Variants in GRID2 observed in about 807,000 individuals in gnomAD.
The protein encoded by GRID2 is glutamate ionotropic receptor delta type subunit 2, also known as glutamate receptor ionotropic, delta-2.
In GRID2, 33 loss-of-function variants were observed where a neutral mutation model predicts 114.8. That is an observed-to-expected ratio of 0.29 (90% CI 0.22 to 0.38). GRID2 has a LOEUF of 0.38. Ranked by LOEUF, GRID2 falls within the 10% of genes least tolerant of loss-of-function variation. The pLI, the probability that GRID2 is intolerant of heterozygous loss-of-function variation, is 1.00. For synonymous variants in GRID2, 505 were observed against 449.9 expected, an observed-to-expected ratio of 1.12 and a Z score of -1.55; for missense variants, 1,184 against 1,257.7, an observed-to-expected ratio of 0.94 and a Z score of 0.89.
chr4:93,420,083 T>TA (rs1481605152), intron 9 of GRID2, among the ~76,000 whole-genome samples: 2 of 152,146 alleles, frequency 1.3e-5, no homozygotes, highest in Non-Finnish European at 2.9e-5. Flanking sequence ...AGAATGCATA[T>TA]GACTTCCAAA....
chr4:93,057,026 G>C (rs1031516857), intron 2 of GRID2, among the ~76,000 whole-genome samples: 2 of 151,646 alleles, frequency 1.3e-5, no homozygotes, highest in African/African-American at 4.8e-5. Flanking sequence ...ATAAAATATT[G>C]GTAATGAGAA....
At chr4:93,277,911 CTG>C (rs1752228264) in intron 8 of GRID2, among the ~76,000 whole-genome samples, 1 of 151,772 alleles carries the variant, frequency 6.6e-6, no homozygotes, top group South Asian at 2.1e-4. Flanking sequence ...CACTATGAAA[CTG>C]AGTATTGAGA....
At chr4:92,756,694 C>T (rs1016457614) in intron 2 of GRID2, among the ~76,000 whole-genome samples, 8 of 152,014 alleles carry the variant, frequency 5.3e-5, no homozygotes, top group African/African-American at 1.9e-4. Context: ...GTCTGATTTT[C>T]ATTTCCCTGA....
intron 14 of GRID2, among the ~76,000 whole-genome samples, chr4:93,740,154 G>A (rs918342149): frequency 2.4e-4 from 36 of 152,278 alleles, no homozygotes; most frequent in African/African-American, 7.5e-4. Context: ...ATTGCCTAGA[G>A]TATTCAGGAT....
chr4:92,849,970 G>A (rs1423562745), intron 2 of GRID2, among the ~76,000 whole-genome samples: 1 of 151,394 alleles, frequency 6.6e-6, no homozygotes, highest in African/African-American at 2.4e-5. Context: ...TTCTACTTGA[G>A]AAGACAGAAT....
intron 13 of GRID2, among the ~76,000 whole-genome samples, chr4:93,563,964 T>A (rs545845535): frequency 6.6e-6 from 1 of 151,900 alleles, no homozygotes; most frequent in East Asian, 1.9e-4. Context: ...AAAAAATAAA[T>A]GAGAAGAAAA....
intron 2 of GRID2, among the ~76,000 whole-genome samples, chr4:92,807,218 A>T (rs1466266608): frequency 1.3e-5 from 2 of 151,992 alleles, no homozygotes; most frequent in Non-Finnish European, 2.9e-5. Context: ...TTGAGTATTT[A>T]AATTTTGGCC....
chr4:93,677,248 G>A (rs1193630203), intron 14 of GRID2, among the ~76,000 whole-genome samples: 1 of 152,234 alleles, frequency 6.6e-6, no homozygotes, highest in African/African-American at 2.4e-5. Context: ...CATTGCCCAG[G>A]CTCCCTTAGG....
At chr4:93,662,582 A>T (rs1248993173) in intron 14 of GRID2, among the ~76,000 whole-genome samples, 1 of 152,126 alleles carries the variant, frequency 6.6e-6, no homozygotes, top group African/African-American at 2.4e-5. Context: ...TCTTGATCAG[A>T]CTCAGTAAAG....
chr4:92,852,249 G>T (rs541817870), intron 2 of GRID2, among the ~76,000 whole-genome samples: 2 of 151,870 alleles, frequency 1.3e-5, no homozygotes, highest in South Asian at 4.2e-4. Flanking sequence ...ATTTTACTAG[G>T]AATTCCTCAT....
At chr4:92,643,250 T>C (rs779862101) in intron 2 of GRID2, among the ~76,000 whole-genome samples, 1 of 151,834 alleles carries the variant, frequency 6.6e-6, no homozygotes, top group Non-Finnish European at 1.5e-5. Flanking sequence ...TGTTTTTCCA[T>C]GTATTTTTGT....
chr4:93,539,477 A>G (rs1307496092), intron 13 of GRID2, among the ~76,000 whole-genome samples: 1 of 151,952 alleles, frequency 6.6e-6, no homozygotes, highest in Non-Finnish European at 1.5e-5. Flanking sequence ...TTCTATCGAT[A>G]TGGTAAAAGA....
chr4:92,781,572 A>G (rs932071324), intron 2 of GRID2, among the ~76,000 whole-genome samples: 1 of 152,066 alleles, frequency 6.6e-6, no homozygotes, highest in Non-Finnish European at 1.5e-5. Context: ...CCGTGTTATG[A>G]TTTTTTAAAT....
intron 1 of GRID2, among the ~76,000 whole-genome samples, chr4:92,552,316 T>C (rs1211389573): frequency 6.6e-6 from 1 of 151,550 alleles, no homozygotes; most frequent in Non-Finnish European, 1.5e-5. Flanking sequence ...ACATTAAAAT[T>C]AGCACAACAG....
At chr4:92,573,085 T>C (rs1727710817) in intron 1 of GRID2, among the ~76,000 whole-genome samples, 1 of 152,168 alleles carries the variant, frequency 6.6e-6, no homozygotes, top group South Asian at 2.1e-4. Context: ...GTTCATTTCT[T>C]CTAGATTGTC....
intron 2 of GRID2, among the ~76,000 whole-genome samples, chr4:92,958,003 T>G (rs1752531120): frequency 6.6e-6 from 1 of 152,082 alleles, no homozygotes; most frequent in South Asian, 2.1e-4. Flanking sequence ...TAACTTTGCA[T>G]TCTGCCACAC....
At chr4:93,344,050 A>G (rs1759931309) in intron 8 of GRID2, among the ~76,000 whole-genome samples, 1 of 152,040 alleles carries the variant, frequency 6.6e-6, no homozygotes, top group African/African-American at 2.4e-5. Flanking sequence ...TCAAATGAAG[A>G]CCTTTCCAAA....
chr4:93,650,151 G>A (rs920418272), intron 14 of GRID2, among the ~76,000 whole-genome samples: 2 of 151,942 alleles, frequency 1.3e-5, no homozygotes, highest in Non-Finnish European at 2.9e-5. Context: ...TGTCCCTAAG[G>A]TGAAATCCAG....
chr4:93,597,661 C>T (rs1739236921), intron 13 of GRID2, among the ~76,000 whole-genome samples: 1 of 152,184 alleles, frequency 6.6e-6, no homozygotes, highest in Non-Finnish European at 1.5e-5. Flanking sequence ...TATCTCAAAA[C>T]CCAGAAGTCC....
Sources: allele counts gnomAD v4.1 joint callset (sites outside exome capture counted in the v4.1 genomes callset), GRCh38; gene constraint gnomAD v4.1.1; transcripts MANE v1.5; gene names NCBI Gene and HGNC (gene_info 2026-07-23, HGNC 2026-07-21).